The following CFAP65 variants were observed in gnomAD, a reference collection of about 807,000 sequenced individuals.
CFAP65 encodes the protein cilia and flagella associated protein 65.
In CFAP65, 155 loss-of-function variants were observed where a neutral mutation model predicts 208.0. That is an observed-to-expected ratio of 0.75 (90% CI 0.65 to 0.85). The LOEUF is 0.85. Ranked by LOEUF, CFAP65 falls within the 40% of genes least tolerant of loss-of-function variation. The pLI, the probability that CFAP65 is intolerant of heterozygous loss-of-function variation, is 0.00. For synonymous variants in CFAP65, 970 were observed against 986.3 expected, an observed-to-expected ratio of 0.98 and a Z score of 0.31; for missense variants, 2,294 against 2,451.3, an observed-to-expected ratio of 0.94 and a Z score of 1.36.
chr2:219,034,588 A>T (rs1387065117), intron 5 of CFAP65: 2 of 152,204 alleles, frequency 1.3e-5, no homozygotes, highest in East Asian at 3.8e-4. Context: ...CAATAAAGGG[A>T]GTAAAGACAA....
rs370335213 is a variant in CFAP65, at chr2:219,030,001, C to T, written c.1369G>A (p.Val457Ile). 78 of 1,613,832 alleles carry T rather than the reference C, an allele frequency of 4.8e-5. No homozygotes were observed. Among genetic ancestry groups the T allele is most frequent in the Middle Eastern group, 1.6e-4 (1 of 6,082 alleles). Residue 457 changes from valine (V) to isoleucine (I), a missense_variant, in exon 10 of 35, where the codon GTT becomes ATT. By Grantham distance (29) the Val-to-Ile change is conservative. Around this residue, in one of 2 missense-constraint regions of CFAP65, gnomAD observed 867 missense variants for 1,012.6 expected, o/e 0.86. Transcript: ENST00000341552. Reference sequence around the variant, plus strand: ...TCACCGGTACCTCTACAGAAACCAACGACTTTAAGCAGGGTCTTGGAGGCA... The same window carrying T: ...TCACCGGTACCTCTACAGAAACCAATGACTTTAAGCAGGGTCTTGGAGGCA... ...GCASKTLLKV[V>I]GFCRGPAVSL...
At chr2:219,023,884 A>G (rs915365357) in intron 15 of CFAP65, 131 bp downstream of exon 15, 26 of 1,138,620 alleles carry the variant, frequency 2.3e-5, no homozygotes, top group Middle Eastern at 2.5e-4. Flanking sequence ...TTTCCCTACT[A>G]TGCTACTTCC....
At position 219,019,165 on chromosome 2, in the gene CFAP65, G is replaced by T; in HGVS notation, c.3488C>A (p.Pro1163His). The change falls in exon 21 of 35, where the codon CCC (proline) becomes CAC (histidine). Residue 1163 changes from proline (P) to histidine (H), a missense_variant. This residue lies in a region of CFAP65 where 1,427 missense variants were observed against 1,438.7 expected (regional missense o/e 0.99). Coordinates refer to ENST00000341552, the MANE Select transcript of CFAP65 (RefSeq NM_194302.4). ...AAGCCTTAAAGGGGTGAGGACGGGGGGGATCTGGCTCATGCTGTGAGGAAC... is the reference window on the plus strand; with the variant it reads ...AAGCCTTAAAGGGGTGAGGACGGGGTGGATCTGGCTCATGCTGTGAGGAAC... ...VPTRHSMSQI[P>H]PVLTPLRLDF... The T allele has an allele frequency of 6.2e-7, 1 of 1,613,502 alleles. No individual in the cohort carries two copies. Among genetic ancestry groups the T allele is most frequent in the African/African-American group, 1.3e-5 (1 of 75,060 alleles).
At chr2:219,019,402 TG>T in intron 20 of CFAP65, 103 bp downstream of exon 20, 2 of 1,140,422 alleles carry the variant, frequency 1.8e-6, no homozygotes, top group Non-Finnish European at 2.5e-6. Context: ...CTCAAAGAGA[TG>T]GGAAACAGCT....
In CFAP65 at chr2:219,004,830, CGGG is replaced by C. The variant is rs61376372; in HGVS notation, c.5052-378_5052-376del. Among the ~76,000 whole-genome samples the C allele has an allele frequency of 2.4e-3, 57 of 24,172 alleles. No individual in the cohort carries two copies. Among genetic ancestry groups the C allele is most frequent in the Middle Eastern group, 0.025 (1 of 40 alleles). The allele number at this position is 24,172 out of a possible 152,430, so 15.9% of individuals were successfully genotyped here. A position where few individuals can be genotyped will look rare whatever the true frequency, so the allele number is the denominator to read the frequency against. On this transcript the variant is annotated intron_variant, in intron 32 of 34. Coordinates refer to ENST00000341552, the MANE Select transcript of CFAP65 (RefSeq NM_194302.4). The surrounding 1 kb of genome is among the most constrained non-coding windows in gnomAD (Gnocchi z 4.7). The stretch of plus-strand genomic sequence containing the variant: ...CCCCACTGTCCTGGGGTGGGGGGGC[CGGG>C]GGGGGGGACCGTGGTGGGATCTTGC...
chr2:219,006,053 G>C lies in CFAP65; in HGVS notation c.4890C>G (p.Phe1630Leu), dbSNP rs748555098. Residue 1630 changes from phenylalanine to leucine, a missense_variant, in exon 31 of 35, where the codon TTC (phenylalanine) becomes TTG (leucine). Around this residue, in one of 2 missense-constraint regions of CFAP65, gnomAD observed 1,427 missense variants for 1,438.7 expected, o/e 0.99. Transcript: ENST00000341552. ...AAAAGTGGCAGGGAAACTCTGAGAA[G>C]AAGTTAGCCAGAAAGTAGTCGGTGG... ...AHATDYFLAN[F>L]FSEFPCHFLH... The C allele has an allele frequency of 6.2e-7, 1 of 1,613,346 alleles. No individual in the cohort carries two copies.
intron 29 of CFAP65, among the ~76,000 whole-genome samples, chr2:219,007,168 G>GTT (rs77968701): frequency 5.0e-5 from 7 of 138,700 alleles, no homozygotes; most frequent in African/African-American, 1.6e-4. Context: ...GTTTTTGTTT[G>GTT]TTTTTTTTTC....
intron 22 of CFAP65, 90 bp from the exon 23 acceptor site, chr2:219,013,675 G>T: frequency 7.5e-7 from 1 of 1,339,154 alleles, no homozygotes; most frequent in Non-Finnish European, 1.1e-6. Flanking sequence ...GTGGCTTTGA[G>T]CTGGCCAGCC....
Position 219,038,459 on chromosome 2 carries a change from G to T in CFAP65, c.273C>A (p.Ser91=), listed in dbSNP as rs779353590. The change falls in exon 4 of 35, where the codon TCC becomes TCA. Residue 91 remains serine (S), a synonymous_variant. Coordinates refer to ENST00000341552, the MANE Select transcript of CFAP65 (RefSeq NM_194302.4). The stretch of plus-strand genomic sequence containing the variant: ...TGGCCACTGTGCTGGCACTCAGGCA[G>T]GATCCACCAGAGTTCACGGTGTGGT... ...SRNHTVNSGG[S]CLSASTVAIP... The T allele has an allele frequency of 6.2e-7, 1 of 1,614,126 alleles. No individual in the cohort carries two copies. The highest frequency in any genetic ancestry group is 8.5e-7 in the Non-Finnish European group (1 of 1,180,036).
chr2:219,038,862 G>T, intron 3 of CFAP65, 34 bp downstream of exon 3: 1 of 1,575,628 alleles, frequency 6.3e-7, no homozygotes, highest in Non-Finnish European at 8.6e-7. Context: ...TGCTCAGCAA[G>T]CTCCAGTGGG....
Position 219,005,483 on chromosome 2 carries a change from A to C in CFAP65, c.5002T>G (p.Ser1668Ala), listed in dbSNP as rs1309449866. The part of the protein sequence containing the change: ...EKSPNKWGPV[S>A]KQKKQLLVDI... Reference sequence around the variant, plus strand: ...ACCAGGAGCTGCTTCTTCTGCTTGGAAACAGGGCCCCACTTGTTAGGGGAT... The same window carrying C: ...ACCAGGAGCTGCTTCTTCTGCTTGGCAACAGGGCCCCACTTGTTAGGGGAT... The change falls in exon 32 of 35, where the codon TCC becomes GCC. Residue 1668 changes from serine (S) to alanine (A), a missense_variant. Ser to Ala is a moderately conservative substitution (Grantham distance 99). Around this residue, in one of 2 missense-constraint regions of CFAP65, gnomAD observed 1,427 missense variants for 1,438.7 expected, o/e 0.99. Transcript: ENST00000341552. 14 of 1,613,522 alleles carry C rather than the reference A, an allele frequency of 8.7e-6. No individual in the cohort carries two copies. The highest frequency in any genetic ancestry group is 1.1e-5 in the Non-Finnish European group (13 of 1,179,956).
chr2:219,024,732 T>C (rs1947521576), intron 14 of CFAP65, among the ~76,000 whole-genome samples: 1 of 151,980 alleles, frequency 6.6e-6, no homozygotes, highest in African/African-American at 2.4e-5. Flanking sequence ...TGGCAGGAGT[T>C]CAAGACCAGC....
At position 219,027,752 on chromosome 2, in the gene CFAP65, G is replaced by A. The variant is rs970517611; in HGVS notation, c.2109C>T (p.Cys703=). ...DCPFWVTPES[C]DVPPLKSMAM... ...CCATGGACTTGAGTGGGGGCACGTC[G>A]CAGCTCTCTGGAGTCACCCAGAAGG... Residue 703 remains cysteine, a synonymous_variant, in exon 13 of 35, where the codon TGC becomes TGT. Coordinates refer to ENST00000341552, the MANE Select transcript of CFAP65 (RefSeq NM_194302.4). 9.3e-6 allele frequency: 15 copies of A among 1,613,984 alleles called. No homozygotes were observed. Among genetic ancestry groups the A allele is most frequent in the Admixed American group, 1.7e-5 (1 of 60,006 alleles).
chr2:219,024,469 A>C (rs141190044), intron 14 of CFAP65, among the ~76,000 whole-genome samples: 3,466 of 23,092 alleles, frequency 0.15, 359 homozygotes, highest in African/African-American at 0.49. Context: ...GACCTCCAGA[A>C]AGGGGCGGGG....
At chr2:219,007,614 G>A (rs528544186) in intron 29 of CFAP65, among the ~76,000 whole-genome samples, 69 of 152,256 alleles carry the variant, frequency 4.5e-4, no homozygotes, top group African/African-American at 1.6e-3. Context: ...GAAATTGGGG[G>A]AGGAACCAAG....
chr2:219,033,400 T>C (rs1948170042), intron 5 of CFAP65, among the ~76,000 whole-genome samples: 3 of 151,766 alleles, frequency 2.0e-5, no homozygotes, highest in Admixed American at 2.0e-4. Flanking sequence ...TGCTTGAGCC[T>C]AGGAGGTCAT....
In CFAP65 at chr2:219,022,260, C is replaced by T. The variant is rs753901620; in HGVS notation, c.2890G>A (p.Glu964Lys). ...TTGGCATTTGGGGACAGGCCGGCTT[C>T]CCAGACCCACATCCCCACTTGGAAC... ...YLFQVGMWVW[E>K]AGLSPNANPA... Residue 964 changes from glutamate (E) to lysine (K), a missense_variant, in exon 17 of 35, where the codon GAA becomes AAA. By Grantham distance (56) the Glu-to-Lys change is moderately conservative. Transcript: ENST00000341552. The T allele has an allele frequency of 6.2e-7, 1 of 1,607,766 alleles. No individual in the cohort carries two copies. Among genetic ancestry groups the T allele is most frequent in the Non-Finnish European group, 8.5e-7 (1 of 1,177,370 alleles).
At chr2:219,036,915 C>T (rs1948400713) in intron 4 of CFAP65, among the ~76,000 whole-genome samples, 1 of 152,210 alleles carries the variant, frequency 6.6e-6, no homozygotes. Flanking sequence ...TCTCTTGGAG[C>T]TTACATTCTC....
At chr2:219,006,749 G>T (rs557832742) in intron 29 of CFAP65, among the ~76,000 whole-genome samples, 3 of 151,078 alleles carry the variant, frequency 2.0e-5, no homozygotes, top group Non-Finnish European at 4.4e-5. Flanking sequence ...CTGGAGAATC[G>T]CTTGAACCTA....
Sources: gnomAD v4.1 joint callset for allele counts (sites outside exome capture counted in the v4.1 genomes callset) on GRCh38, gnomAD v4.1.1 for gene constraint, gnomAD v4.1.1 regional missense constraint, Gnocchi (gnomAD v3.1) non-coding constraint, MANE v1.5 for transcripts, NCBI Gene and HGNC (gene_info 2026-07-23, HGNC 2026-07-21) for gene names.